CEP85L: variants seen among roughly 807,000 people sequenced by gnomAD.
CEP85L encodes the protein centrosomal protein of 85 kDa-like.
CEP85L carries 60 observed loss-of-function variants against 100.3 expected under a neutral mutation model. That is an observed-to-expected ratio of 0.60 (90% CI 0.49 to 0.74). CEP85L has a LOEUF of 0.74. CEP85L is among the 30% of genes least tolerant of loss of function. The pLI is 0.00. For missense variants in CEP85L, 973 were observed against 936.2 expected (o/e 1.04, Z -0.51); for synonymous variants, 319 against 322.7 (o/e 0.99, Z 0.12).
intron 1 of CEP85L, 86 bp from the exon 2 acceptor site, chr6:118,632,697 GTA>G (rs1164403024): frequency 3.4e-5 from 30 of 884,582 alleles, no homozygotes; most frequent in Non-Finnish European, 4.7e-5. Flanking sequence ...TACACATAGG[GTA>G]TAAAAGGTAT....
intron 2 of CEP85L, among the ~76,000 whole-genome samples, chr6:118,629,166 T>G (rs909889555): frequency 6.6e-6 from 1 of 152,084 alleles, no homozygotes; most frequent in South Asian, 2.1e-4. Flanking sequence ...GTAGATTATA[T>G]GTAAATACTA....
chr6:118,556,580 C>T (rs1280970672), intron 3 of CEP85L, among the ~76,000 whole-genome samples: 2 of 152,122 alleles, frequency 1.3e-5, no homozygotes. Flanking sequence ...CCTTCTGCTC[C>T]CTTCAGCACT....
At chr6:118,533,013 G>A (rs1297734464) in intron 3 of CEP85L, among the ~76,000 whole-genome samples, 5 of 151,944 alleles carry the variant, frequency 3.3e-5, no homozygotes, top group Admixed American at 3.3e-4. Context: ...GTACTGAGAA[G>A]GAAATTTACA....
chr6:118,512,341 C>T (rs1019176902), intron 4 of CEP85L, among the ~76,000 whole-genome samples: 7 of 151,804 alleles, frequency 4.6e-5, no homozygotes, highest in African/African-American at 1.7e-4. Flanking sequence ...AAGCTACCGA[C>T]GGTGTGTGTA....
At chr6:118,652,540 G>A, upstream of CEP85L, 1 of 1,405,006 alleles carries the variant, frequency 7.1e-7, no homozygotes, top group South Asian at 1.5e-5. Context: ...AACGCAGGTC[G>A]CTTAACTAGA....
intron 1 of CEP85L, among the ~76,000 whole-genome samples, chr6:118,634,786 T>C (rs1025700878): frequency 6.6e-6 from 1 of 152,134 alleles, no homozygotes; most frequent in African/African-American, 2.4e-5. Flanking sequence ...TAAACTATTA[T>C]CAAAAATGGC....
intron 1 of CEP85L, among the ~76,000 whole-genome samples, chr6:118,699,325 C>T (rs1015983079): frequency 6.6e-6 from 1 of 151,922 alleles, no homozygotes; most frequent in Non-Finnish European, 1.5e-5. Flanking sequence ...CATGGTGGCA[C>T]GTCCCTGAAA....
At chr6:118,494,327 G>T (rs1248419320) in intron 5 of CEP85L, among the ~76,000 whole-genome samples, 2 of 152,248 alleles carry the variant, frequency 1.3e-5, no homozygotes, top group South Asian at 4.1e-4. Flanking sequence ...TTTCTGGCAG[G>T]GGGAGGGGAA....
intron 1 of CEP85L, among the ~76,000 whole-genome samples, chr6:118,687,248 A>G (rs376010870): frequency 1.3e-5 from 2 of 152,196 alleles, no homozygotes; most frequent in East Asian, 3.9e-4. Context: ...TTCTTGAGAC[A>G]GAGTTTCACT....
chr6:118,529,380 G>A (rs1777152639), intron 3 of CEP85L, among the ~76,000 whole-genome samples: 1 of 151,954 alleles, frequency 6.6e-6, no homozygotes, highest in Admixed American at 6.6e-5. Context: ...GGCCAAGGTG[G>A]GTGGATCACA....
rs560895062 is a variant in CEP85L, at chr6:118,463,241, C to T, written c.*2164G>A. 1.3e-5 allele frequency: 2 copies of T among 151,530 alleles called. No homozygotes were observed. Among genetic ancestry groups the T allele is most frequent in the Admixed American group, 6.6e-5 (1 of 15,206 alleles). 9.4% of individuals were successfully genotyped at this position (151,530 alleles called of 1,614,324 possible). On this transcript the variant is annotated 3_prime_UTR_variant, in exon 13 of 13. Transcript: ENST00000368491. ...TATAGTAGATTAAAACAAACTGTAA[C>T]GTCTGCTTAAAAAAAAAAAAATAAA...
chr6:118,524,007 T>TA (rs3838966), intron 3 of CEP85L, 87 bp from the exon 4 acceptor site: 247 of 524,610 alleles, frequency 4.7e-4, no homozygotes, highest in Middle Eastern at 1.1e-3. Flanking sequence ...AGATTTATAT[T>TA]AAAAAAAAAG....
At chr6:118,531,861 G>T (rs1053864707) in intron 3 of CEP85L, among the ~76,000 whole-genome samples, 6 of 152,048 alleles carry the variant, frequency 3.9e-5, no homozygotes, top group African/African-American at 1.4e-4. Flanking sequence ...AAAATCAGAG[G>T]TTGGCGAGGT....
intron 2 of CEP85L, among the ~76,000 whole-genome samples, chr6:118,612,894 A>G (rs1231664838): frequency 6.6e-6 from 1 of 152,068 alleles, no homozygotes; most frequent in Non-Finnish European, 1.5e-5. Context: ...ACCAAAACTG[A>G]AAAACAAGGC....
intron 2 of CEP85L, among the ~76,000 whole-genome samples, chr6:118,590,661 G>A (rs571189409): frequency 2.2e-4 from 33 of 151,614 alleles, no homozygotes; most frequent in Non-Finnish European, 3.8e-4. Flanking sequence ...TCTCAGCTTG[G>A]AGCCCCCCTC....
At chr6:118,651,703 G>GCGGGGACTGCGGGGGT, upstream of CEP85L, 1 of 972,980 alleles carries the variant, frequency 1.0e-6, no homozygotes, top group Non-Finnish European at 1.2e-6. Flanking sequence ...ACTGCGGGGG[G>GCGGGGACTGCGGGGGT]CGGGGACTGC....
At chr6:118,554,028 G>A (rs1489899576) in intron 3 of CEP85L, among the ~76,000 whole-genome samples, 1 of 152,026 alleles carries the variant, frequency 6.6e-6, no homozygotes, top group Non-Finnish European at 1.5e-5. Context: ...TTAAAAATGA[G>A]GGCCAGGCAT....
rs575958327 is a variant in CEP85L, at chr6:118,589,923, C to G, written c.233-23607G>C. On this transcript the variant is annotated intron_variant, in intron 2 of 12. Coordinates refer to ENST00000368491, the MANE Select transcript of CEP85L (RefSeq NM_001042475.3). ...ATATTTCTGTTTGTGTATCCATGCA[C>G]CTACCTCAGAAAACAAGTATTGTCA... 6.6e-5 allele frequency among the ~76,000 whole-genome samples: 10 copies of G among 152,248 alleles called. No individual in the cohort carries two copies. The South Asian group carries it at 1.9e-3, about 28-fold the overall frequency.
At chr6:118,561,868 A>G (rs1041601089) in intron 3 of CEP85L, among the ~76,000 whole-genome samples, 1 of 152,206 alleles carries the variant, frequency 6.6e-6, no homozygotes, top group Non-Finnish European at 1.5e-5. Context: ...GCAGACGTAT[A>G]TAAGATAACA....
Sources: allele counts gnomAD v4.1 joint callset (sites outside exome capture counted in the v4.1 genomes callset), GRCh38; gene constraint gnomAD v4.1.1; transcripts MANE v1.5; gene names NCBI Gene and HGNC (gene_info 2026-07-23, HGNC 2026-07-21).